PKP4: variants seen among roughly 807,000 people sequenced by gnomAD.
The protein encoded by PKP4 is plakophilin 4.
PKP4 carries 90 observed loss-of-function variants against 145.1 expected under a neutral mutation model. That is an observed-to-expected ratio of 0.62 (90% CI 0.52 to 0.74). The LOEUF (loss-of-function observed/expected upper bound fraction) is 0.74, where lower values mean the gene tolerates loss of function less well. PKP4 is among the 30% of genes least tolerant of loss of function. The pLI is 0.00. For synonymous variants in PKP4, 563 were observed against 577.2 expected, an observed-to-expected ratio of 0.98 and a Z score of 0.35; for missense variants, 1,340 against 1,482.7, an observed-to-expected ratio of 0.90 and a Z score of 1.58.
chr2:158,468,832 C>T (rs371469739), intron 1 of PKP4, among the ~76,000 whole-genome samples: 6 of 124,646 alleles, frequency 4.8e-5, no homozygotes, highest in African/African-American at 1.9e-4. Flanking sequence ...AGTGCAGTGG[C>T]GGTACTATTA....
At chr2:158,589,072 G>A (rs2049037041) in intron 3 of PKP4, 1 of 152,148 alleles carries the variant, frequency 6.6e-6, no homozygotes, top group Admixed American at 6.6e-5. Flanking sequence ...GTCCCAGGAT[G>A]CCTTACCTTG....
chr2:158,602,717 T>G (rs2050330899), intron 3 of PKP4, among the ~76,000 whole-genome samples: 1 of 152,198 alleles, frequency 6.6e-6, no homozygotes, highest in Admixed American at 6.5e-5. Flanking sequence ...TTAACAGCCT[T>G]TTTGGTTCTT....
intron 4 of PKP4, among the ~76,000 whole-genome samples, chr2:158,613,995 G>T (rs1574786757): frequency 6.6e-6 from 1 of 152,144 alleles, no homozygotes; most frequent in African/African-American, 2.4e-5. Context: ...ACTTAAATCA[G>T]TTGTACTCAA....
intron 4 of PKP4, among the ~76,000 whole-genome samples, chr2:158,615,132 T>C (rs1451644358): frequency 6.6e-6 from 1 of 152,106 alleles, no homozygotes; most frequent in East Asian, 1.9e-4. Context: ...GTTTTTTTGG[T>C]TTTTAACAAA....
chr2:158,593,872 C>T (rs2049488924), intron 3 of PKP4, among the ~76,000 whole-genome samples: 1 of 152,210 alleles, frequency 6.6e-6, no homozygotes, highest in African/African-American at 2.4e-5. Flanking sequence ...AACATGTTCA[C>T]CACAGTAGCT....
At chr2:158,587,380 A>G (rs1416829915) in intron 3 of PKP4, among the ~76,000 whole-genome samples, 1 of 152,074 alleles carries the variant, frequency 6.6e-6, no homozygotes, top group Non-Finnish European at 1.5e-5. Flanking sequence ...AAATTATTTA[A>G]CAGTATTGAA....
chr2:158,643,931 A>C (rs1010221426), intron 11 of PKP4, among the ~76,000 whole-genome samples: 1 of 151,884 alleles, frequency 6.6e-6, no homozygotes, highest in Non-Finnish European at 1.5e-5. Context: ...AAACCCAGCT[A>C]ATTTTTGTAT....
intron 2 of PKP4, among the ~76,000 whole-genome samples, chr2:158,565,662 C>A (rs1035277939): frequency 1.3e-5 from 2 of 152,016 alleles, no homozygotes; most frequent in African/African-American, 2.4e-5. Context: ...AGGAACAGAG[C>A]ACTTGTGGAC....
chr2:158,531,589 C>G (rs1448861276), intron 1 of PKP4, among the ~76,000 whole-genome samples: 6 of 152,040 alleles, frequency 3.9e-5, no homozygotes. Flanking sequence ...TGTTTTACAT[C>G]TCAATAAGCA....
chr2:158,577,256 T>G lies in PKP4; in HGVS notation c.133-15T>G, dbSNP rs747209712. 4 of 1,588,118 alleles carry G rather than the reference T, an allele frequency of 2.5e-6. No homozygotes were observed. In the African/African-American group the frequency reaches 5.4e-5, roughly 21 times the overall value. On this transcript the variant is annotated splice_polypyrimidine_tract_variant and intron_variant, in intron 2 of 21. Coordinates refer to ENST00000389759, the MANE Select transcript of PKP4 (RefSeq NM_003628.6). ...CCTTGGCGCCTTATATGCCTTTTAT[T>G]TTCTTGAATCACAGGAGCTTCAGTT...
intron 1 of PKP4, among the ~76,000 whole-genome samples, chr2:158,480,362 A>G (rs986373741): frequency 6.6e-6 from 1 of 151,948 alleles, no homozygotes; most frequent in African/African-American, 2.4e-5. Flanking sequence ...ATAGCCTCCC[A>G]AGTAGCTGGG....
chr2:158,522,875 C>G (rs1167499191), intron 1 of PKP4, among the ~76,000 whole-genome samples: 1 of 152,158 alleles, frequency 6.6e-6, no homozygotes, highest in Non-Finnish European at 1.5e-5. Context: ...GTGACGGACG[C>G]ACCTGGAAAA....
At chr2:158,540,092 C>A (rs935778200) in intron 2 of PKP4, among the ~76,000 whole-genome samples, 2 of 152,194 alleles carry the variant, frequency 1.3e-5, no homozygotes, top group African/African-American at 4.8e-5. Flanking sequence ...ATTTGGCTAC[C>A]TGCCTACATT....
chr2:158,668,346 C>G (rs2057290573), intron 16 of PKP4, among the ~76,000 whole-genome samples: 1 of 152,150 alleles, frequency 6.6e-6, no homozygotes, highest in African/African-American at 2.4e-5. Context: ...GACCTCTTCC[C>G]TCTTTTTTCA....
chr2:158,637,613 G>A lies in PKP4; in HGVS notation c.1563-3014G>A, dbSNP rs1284487015. Among the ~76,000 whole-genome samples, 3 of 152,188 alleles carry A rather than the reference G, an allele frequency of 2.0e-5. No individual in the cohort carries two copies. In the East Asian group the frequency reaches 5.8e-4, roughly 29 times the overall value. On this transcript the variant is annotated intron_variant, in intron 9 of 21. Transcript: ENST00000389759. ...TGTCTTGGTCCAGAAAGTGCCCTCA[G>A]GCAGAAAGCCAAGTAAACATGGGAC...
chr2:158,642,166 C>T (rs148101987), intron 10 of PKP4, among the ~76,000 whole-genome samples: 3 of 152,096 alleles, frequency 2.0e-5, no homozygotes, highest in South Asian at 2.1e-4. Flanking sequence ...GGATTACAGG[C>T]GTGTGCCTCA....
At chr2:158,642,414 TA>T in intron 10 of PKP4, 71 bp from the exon 11 acceptor site, 1 of 1,122,830 alleles carries the variant, frequency 8.9e-7, no homozygotes, top group Non-Finnish European at 1.3e-6. Flanking sequence ...GATCTCTCCA[TA>T]ACGGACTTCT....
intron 9 of PKP4, among the ~76,000 whole-genome samples, chr2:158,640,245 C>T (rs899127897): frequency 1.3e-5 from 2 of 152,236 alleles, no homozygotes; most frequent in African/African-American, 4.8e-5. Flanking sequence ...CCTCTCCCTT[C>T]AGGCATGACA....
At chr2:158,635,692 TA>T (rs2053750266) in intron 9 of PKP4, among the ~76,000 whole-genome samples, 1 of 152,180 alleles carries the variant, frequency 6.6e-6, no homozygotes, top group African/African-American at 2.4e-5. Flanking sequence ...ATACCTCAGC[TA>T]TTCATAGTGT....
Sources: allele counts gnomAD v4.1 joint callset (sites outside exome capture counted in the v4.1 genomes callset), GRCh38; gene constraint gnomAD v4.1.1; transcripts MANE v1.5; gene names NCBI Gene and HGNC (gene_info 2026-07-23, HGNC 2026-07-21).